MNT: variants seen among roughly 807,000 people sequenced by gnomAD.
The protein encoded by MNT is MAX network transcriptional repressor, also known as max-binding protein MNT.
Under a neutral mutation model 40.7 loss-of-function variants are expected in MNT, and 13 were observed. The observed-to-expected ratio is 0.32, with a 90% CI of 0.21 to 0.51. The LOEUF (loss-of-function observed/expected upper bound fraction) is 0.51. MNT is among the 20% of genes least tolerant of loss of function. The pLI is 0.98. For missense variants in MNT, 757 were observed against 792.0 expected (o/e 0.96, Z 0.53); for synonymous variants, 426 against 354.8 (o/e 1.20, Z -2.26).
chr17:2,389,436 C>T (rs1424577946), intron 4 of MNT: 3 of 152,198 alleles, frequency 2.0e-5, no homozygotes, highest in Non-Finnish European at 2.9e-5. Flanking sequence ...CCACCACACC[C>T]GGCTAATTTT....
In MNT at chr17:2,386,807, G is replaced by A; in HGVS notation, c.*94C>T. On this transcript the variant is annotated 3_prime_UTR_variant, in exon 6 of 6. Transcript: ENST00000174618. The stretch of plus-strand genomic sequence containing the variant: ...TGGGGGTGGGTGGGGGGGCTGGCCT[G>A]GGCCTGGCTGGAATGTGTGGAGCTG... 1 of 1,333,704 alleles carries A rather than the reference G, an allele frequency of 7.5e-7. No individual in the cohort carries two copies. Among genetic ancestry groups the A allele is most frequent in the Non-Finnish European group, 9.9e-7 (1 of 1,009,822 alleles). The allele number at this position is 1,333,704 out of a possible 1,614,324, so 82.6% of individuals were successfully genotyped here.
Position 2,394,265 on chromosome 17 carries a change from G to A in MNT, c.695+40C>T, listed in dbSNP as rs1384529933. ...GGCCGCCGGGGCCCGGGTCGCGCGCGCACGCACGCACGCACACACACACAC... is the reference window on the plus strand; with the variant it reads ...GGCCGCCGGGGCCCGGGTCGCGCGCACACGCACGCACGCACACACACACAC... On this transcript the variant is annotated intron_variant, in intron 3 of 5. Coordinates refer to ENST00000174618, the MANE Select transcript of MNT (RefSeq NM_020310.3). 9.4e-6 allele frequency: 14 copies of A among 1,486,942 alleles called. No individual in the cohort carries two copies. In the Admixed American group the frequency reaches 1.6e-4, roughly 17 times the overall value. 92.1% of individuals were successfully genotyped at this position (1,486,942 alleles called of 1,614,324 possible).
In MNT at chr17:2,384,574, GGTAAGAT is replaced by G. The variant is rs2151661039; in HGVS notation, c.*2320_*2326del. 1 of 151,238 alleles carries G rather than the reference GGTAAGAT, an allele frequency of 6.6e-6. No individual in the cohort carries two copies. Among genetic ancestry groups the G allele is most frequent in the East Asian group, 2.0e-4 (1 of 5,046 alleles). 9.4% of individuals were successfully genotyped at this position (151,238 alleles called of 1,614,324 possible). Reference sequence around the variant, plus strand: ...ATCAAAAGGTAAAACACGCATGAGAGGTAAGATGTGTGCGTGTGCGTGCGTGTGTGTG... The same window carrying G: ...ATCAAAAGGTAAAACACGCATGAGAGGTGTGCGTGTGCGTGCGTGTGTGTG... On this transcript the variant is annotated 3_prime_UTR_variant, in exon 6 of 6. Transcript: ENST00000174618.
intron 4 of MNT, chr17:2,391,338 T>A (rs1440752849): frequency 6.6e-6 from 1 of 152,318 alleles, no homozygotes; most frequent in Non-Finnish European, 1.5e-5. Flanking sequence ...GGGCCCTAGG[T>A]GAGTCAGCTC....
At position 2,387,025 on chromosome 17, in the gene MNT, A is replaced by G. The variant is rs753565230; in HGVS notation, c.1625T>C (p.Met542Thr). The G allele has an allele frequency of 2.5e-5, 39 of 1,549,494 alleles. No homozygotes were observed. Among genetic ancestry groups the G allele is most frequent in the Non-Finnish European group, 2.9e-5 (33 of 1,145,898 alleles). The change falls in exon 6 of 6, where the codon ATG (methionine) becomes ACG (threonine). Residue 542 changes from methionine to threonine, a missense_variant. Coordinates refer to ENST00000174618, the MANE Select transcript of MNT (RefSeq NM_020310.3). ...CTGAGCCCCCACGGCCGGCTTTGCCATGACAGTAGCCGGGGGCCCCAGGCC... is the reference window on the plus strand; with the variant it reads ...CTGAGCCCCCACGGCCGGCTTTGCCGTGACAGTAGCCGGGGGCCCCAGGCC... ...TAGLGPPATV[M>T]AKPAVGAQVV...
At chr17:2,394,271 A>ACG (rs752055869) in intron 3 of MNT, 34 bp downstream of exon 3, 26 of 1,551,516 alleles carry the variant, frequency 1.7e-5, no homozygotes, top group South Asian at 2.3e-5. Flanking sequence ...GCGCGCACGC[A>ACG]CGCACGCACA....
chr17:2,400,562 G>A, intron 1 of MNT, 78 bp downstream of exon 1: 2 of 1,407,772 alleles, frequency 1.4e-6, no homozygotes, highest in Admixed American at 2.8e-5. Context: ...CCCTGTCCGC[G>A]GTTTCGCGTG....
chr17:2,391,584 G>A (rs2066515024), intron 4 of MNT: 1 of 152,220 alleles, frequency 6.6e-6, no homozygotes, highest in African/African-American at 2.4e-5. Context: ...TGCACGGTTT[G>A]GTACCTATTT....
chr17:2,393,058 C>T (rs1308095131), intron 4 of MNT, among the ~76,000 whole-genome samples: 4 of 152,034 alleles, frequency 2.6e-5, no homozygotes, highest in African/African-American at 9.7e-5. Context: ...TCCTCGCCAC[C>T]CCTCCCACGG....
intron 2 of MNT, among the ~76,000 whole-genome samples, 156 bp downstream of exon 2, chr17:2,394,719 G>A (rs914345410): frequency 6.6e-6 from 1 of 152,142 alleles, no homozygotes; most frequent in Non-Finnish European, 1.5e-5. Context: ...GGGGCAATGG[G>A]ACATTCCTTC....
chr17:2,399,768 G>A lies in MNT; in HGVS notation c.73+872C>T, dbSNP rs561297779. Among the ~76,000 whole-genome samples the A allele has an allele frequency of 2.0e-3, 303 of 152,342 alleles. 2 individuals are homozygous for A. Among genetic ancestry groups the A allele is most frequent in the African/African-American group, 7.0e-3 (291 of 41,584 alleles). ...CGGAGCCCGTCCACGTCACCACCCGGTGTAACCAACGGGCTCGGAACGCAG... is the reference window on the plus strand; with the variant it reads ...CGGAGCCCGTCCACGTCACCACCCGATGTAACCAACGGGCTCGGAACGCAG... On this transcript the variant is annotated intron_variant, in intron 1 of 5. Coordinates refer to ENST00000174618, the MANE Select transcript of MNT (RefSeq NM_020310.3).
rs1356011841 is a variant in MNT, at chr17:2,395,274, G to A, written c.254C>T (p.Pro85Leu). The change falls in exon 2 of 6, where the codon CCA becomes CTA. Residue 85 changes from proline to leucine, a missense_variant. Transcript: ENST00000174618. Reference protein sequence around the residue: ...APPPPLATPAPLTVIPIPVVT... With the variant: ...APPPPLATPALLTVIPIPVVT... ...CACAGGGATAGGGATGACAGTCAGT[G>A]GGGCAGGGGTGGCAAGTGGTGGTGG... is the stretch of plus-strand genomic sequence containing the variant. 1 of 1,554,740 alleles carries A rather than the reference G, an allele frequency of 6.4e-7. No homozygotes were observed.
chr17:2,388,603 G>A (rs936609618), intron 4 of MNT, among the ~76,000 whole-genome samples: 1 of 151,938 alleles, frequency 6.6e-6, no homozygotes, highest in African/African-American at 2.4e-5. Context: ...CGCCTGTGAC[G>A]CTTCTCGACG....
Position 2,388,146 on chromosome 17 carries a change from C to T in MNT, c.808-97G>A, listed in dbSNP as rs2066483720. 6.4e-6 allele frequency: 8 copies of T among 1,251,120 alleles called. No individual in the cohort carries two copies. The Admixed American group carries it at 7.6e-5, about 12-fold the overall frequency. 77.5% of individuals were successfully genotyped at this position (1,251,120 alleles called of 1,614,324 possible). On this transcript the variant is annotated intron_variant, in intron 4 of 5. Transcript: ENST00000174618. The stretch of plus-strand genomic sequence containing the variant: ...CTCCCTATCAGCTGGCCCACAGAGG[C>T]AAGTCCGTGGCAACCAGCGGGCCCA...
rs780844394 is a variant in MNT at position 2,386,158 on chromosome 17, G to C, written c.*743C>G. ...AGTCCCTCCTTCCCCACCTCAGCCT[G>C]CCCTCCTGAGGTCCAGAGCCCAGTG... On this transcript the variant is annotated 3_prime_UTR_variant, in exon 6 of 6. Transcript: ENST00000174618. 1.3e-5 allele frequency: 2 copies of C among 152,296 alleles called. No homozygotes were observed. The highest frequency in any genetic ancestry group is 4.8e-5 in the African/African-American group (2 of 41,456). 9.4% of individuals were successfully genotyped at this position (152,296 alleles called of 1,614,324 possible). A position where few individuals can be genotyped will look rare whatever the true frequency, so the allele number is the denominator to read the frequency against.
intron 4 of MNT, among the ~76,000 whole-genome samples, chr17:2,388,896 G>A (rs1046283358): frequency 2.0e-5 from 3 of 152,094 alleles, no homozygotes; most frequent in South Asian, 2.1e-4. Context: ...AGGCAACGCC[G>A]ACACGTGTCC....
At chr17:2,393,836 G>A (rs2066548534) in intron 4 of MNT, 1 of 267,598 alleles carries the variant, frequency 3.7e-6, no homozygotes, top group Non-Finnish European at 6.9e-6. Context: ...CGGGAGGGGA[G>A]CCGCGCCCTC....
chr17:2,393,785 G>A (rs1045770092), intron 4 of MNT: 47 of 189,992 alleles, frequency 2.5e-4, no homozygotes, highest in Non-Finnish European at 1.1e-4. Context: ...CGCGCCTCAC[G>A]GCCCCGGGGA....
chr17:2,394,275 A>ACGCACG (rs767649677), intron 3 of MNT, 30 bp downstream of exon 3: 157 of 1,515,860 alleles, frequency 1.0e-4, no homozygotes, highest in Admixed American at 3.1e-4. Flanking sequence ...GCACGCACGC[A>ACGCACG]CGCACACACA....
Sources: gnomAD v4.1 joint callset for allele counts (sites outside exome capture counted in the v4.1 genomes callset) on GRCh38, gnomAD v4.1.1 for gene constraint, MANE v1.5 for transcripts, NCBI Gene and HGNC (gene_info 2026-07-23, HGNC 2026-07-21) for gene names.